CTNNA2: variants seen among roughly 807,000 people sequenced by gnomAD.
The protein encoded by CTNNA2 is catenin alpha 2.
A neutral mutation model predicts 101.0 loss-of-function variants in CTNNA2; 42 were observed. The observed-to-expected ratio is 0.42, with a 90% CI of 0.32 to 0.54. The LOEUF (loss-of-function observed/expected upper bound fraction) is 0.54. Among genes scored for constraint, CTNNA2 ranks in the 20% least tolerant of loss-of-function variants. CTNNA2 has a pLI of 0.14. For synonymous variants in CTNNA2, 450 were observed against 456.4 expected (o/e 0.99, Z 0.18); for missense variants, 871 against 1,223.1 (o/e 0.71, Z 4.29).
At chr2:80,496,003 G>A (rs1294694112) in intron 9 of CTNNA2, among the ~76,000 whole-genome samples, 5 of 146,612 alleles carry the variant, frequency 3.4e-5, no homozygotes, top group Admixed American at 1.4e-4. Flanking sequence ...ATAGGGAGAA[G>A]GCTGTGTGAT....
At chr2:79,815,900 G>A (rs974318778) in intron 3 of CTNNA2, among the ~76,000 whole-genome samples, 2 of 152,012 alleles carry the variant, frequency 1.3e-5, no homozygotes, top group East Asian at 3.9e-4. Context: ...AGCATGGTAT[G>A]TGTTTCCATT....
intron 6 of CTNNA2, 45 bp downstream of exon 6, chr2:79,874,387 G>GAAA: frequency 2.0e-6 from 3 of 1,535,390 alleles, no homozygotes; most frequent in Admixed American, 4.1e-5. Flanking sequence ...CACTGGTGTT[G>GAAA]ACAAAAAAAA....
chr2:79,659,384 G>C (rs5023269), intron 2 of CTNNA2, among the ~76,000 whole-genome samples: 46,917 of 151,730 alleles, frequency 0.31, 7,916 homozygotes, highest in East Asian at 0.75. Flanking sequence ...TTAATTCATG[G>C]TTTATTCATG....
At chr2:79,760,113 G>A (rs1195547243) in intron 3 of CTNNA2, among the ~76,000 whole-genome samples, 1 of 152,066 alleles carries the variant, frequency 6.6e-6, no homozygotes, top group Non-Finnish European at 1.5e-5. Context: ...TGTCTCATAG[G>A]CCTCAGTTCC....
chr2:79,669,311 C>G (rs1682658537), intron 2 of CTNNA2, among the ~76,000 whole-genome samples: 1 of 152,186 alleles, frequency 6.6e-6, no homozygotes, highest in Non-Finnish European at 1.5e-5. Context: ...CTGCTACTTT[C>G]CACTCTAATA....
At chr2:80,344,704 T>C (rs1267040872) in intron 7 of CTNNA2, among the ~76,000 whole-genome samples, 1 of 152,220 alleles carries the variant, frequency 6.6e-6, no homozygotes, top group Non-Finnish European at 1.5e-5. Context: ...CAGGCTGGTC[T>C]TGAGCTCCTG....
chr2:80,427,436 A>G (rs1381470408), intron 9 of CTNNA2, among the ~76,000 whole-genome samples: 1 of 152,168 alleles, frequency 6.6e-6, no homozygotes, highest in African/African-American at 2.4e-5. Flanking sequence ...CTCCACTATC[A>G]TTCCTTTCCT....
chr2:80,532,292 T>C (rs983684708), intron 9 of CTNNA2, among the ~76,000 whole-genome samples: 6 of 152,142 alleles, frequency 3.9e-5, no homozygotes, highest in East Asian at 1.9e-4. Context: ...ACTCATACAT[T>C]TTAAATTGAG....
At chr2:80,098,114 G>C (rs917863249) in intron 7 of CTNNA2, among the ~76,000 whole-genome samples, 1 of 152,096 alleles carries the variant, frequency 6.6e-6, no homozygotes, top group Non-Finnish European at 1.5e-5. Flanking sequence ...TTTCTGCTCT[G>C]TTTTTTCCTC....
At chr2:80,533,346 G>A (rs1418963662) in intron 9 of CTNNA2, among the ~76,000 whole-genome samples, 9 of 152,140 alleles carry the variant, frequency 5.9e-5, no homozygotes, top group Non-Finnish European at 1.3e-4. Flanking sequence ...AAAAAAGAAG[G>A]CAATGTGGGA....
At chr2:80,062,964 C>T (rs1313717412) in intron 7 of CTNNA2, among the ~76,000 whole-genome samples, 4 of 152,160 alleles carry the variant, frequency 2.6e-5, no homozygotes, top group Non-Finnish European at 5.9e-5. Context: ...CTCGGCCTCC[C>T]AAAGTGCTGG....
rs905917220 is a variant in CTNNA2 at position 79,818,479 on chromosome 2, A to AT, written c.299-39525dup. ...AGGCGCCCGCCACCATGCCCGGCTTATTTTTTTTTGTATTTTTAGTAGAGA... is the reference window on the plus strand; with the variant it reads ...AGGCGCCCGCCACCATGCCCGGCTTATTTTTTTTTTGTATTTTTAGTAGAGA... On this transcript the variant is annotated intron_variant, in intron 3 of 18. Transcript: ENST00000402739. Among the ~76,000 whole-genome samples, 340 of 148,220 alleles carry AT rather than the reference A, an allele frequency of 2.3e-3. 2 individuals are homozygous for AT. Among genetic ancestry groups the AT allele is most frequent in the East Asian group, 7.4e-3 (37 of 4,980 alleles).
At chr2:80,251,615 C>A (rs1302529784) in intron 7 of CTNNA2, among the ~76,000 whole-genome samples, 1 of 152,176 alleles carries the variant, frequency 6.6e-6, no homozygotes, top group Non-Finnish European at 1.5e-5. Flanking sequence ...TATAACTTCT[C>A]CTAAGTCTAG....
At chr2:80,116,250 G>C (rs1419113630) in intron 7 of CTNNA2, among the ~76,000 whole-genome samples, 1 of 152,020 alleles carries the variant, frequency 6.6e-6, no homozygotes, top group East Asian at 1.9e-4. Context: ...GATTTGACCT[G>C]TGGGCTATAG....
intron 9 of CTNNA2, among the ~76,000 whole-genome samples, chr2:80,521,710 T>G (rs986817083): frequency 2.6e-5 from 4 of 152,128 alleles, no homozygotes; most frequent in Admixed American, 6.5e-5. Context: ...AATTCTCTCC[T>G]GGAGCCTCCG....
intron 1 of CTNNA2, among the ~76,000 whole-genome samples, chr2:79,563,174 T>G (rs1033655114): frequency 2.2e-5 from 2 of 92,040 alleles, no homozygotes; most frequent in African/African-American, 6.6e-5. Context: ...TATATATATA[T>G]ATATATATAT....
intron 3 of CTNNA2, among the ~76,000 whole-genome samples, chr2:79,747,536 T>C (rs1043885989): frequency 1.3e-5 from 2 of 152,218 alleles, no homozygotes; most frequent in Admixed American, 6.5e-5. Context: ...TCTTCTATGA[T>C]AATAAATTTT....
intron 7 of CTNNA2, among the ~76,000 whole-genome samples, chr2:80,066,212 G>T (rs1697976690): frequency 1.3e-5 from 2 of 152,200 alleles, no homozygotes; most frequent in Non-Finnish European, 2.9e-5. Context: ...AACCTCATTT[G>T]TCTGGTTTTG....
intron 7 of CTNNA2, among the ~76,000 whole-genome samples, chr2:80,167,585 G>C (rs959466960): frequency 6.6e-6 from 1 of 152,184 alleles, no homozygotes; most frequent in African/African-American, 2.4e-5. Context: ...AACTGTCCTT[G>C]AATGTGGACC....
Sources: allele counts gnomAD v4.1 joint callset (sites outside exome capture counted in the v4.1 genomes callset), GRCh38; gene constraint gnomAD v4.1.1; transcripts MANE v1.5; gene names NCBI Gene and HGNC (gene_info 2026-07-23, HGNC 2026-07-21).